Variants in SMIM31 observed in about 807,000 individuals in gnomAD.
SMIM31 encodes human epithelial cell program regulator.
intron 1 of SMIM31, among the ~76,000 whole-genome samples, chr4:164,765,362 G>C (rs891121398): frequency 6.6e-6 from 1 of 152,160 alleles, no homozygotes; most frequent in African/African-American, 2.4e-5. Flanking sequence ...ACAGTTTTCT[G>C]CCTGTATGAG....
At chr4:164,783,973 C>T (rs994100345) in intron 2 of SMIM31, among the ~76,000 whole-genome samples, 1 of 152,258 alleles carries the variant, frequency 6.6e-6, no homozygotes. Flanking sequence ...TCTCAAAGTA[C>T]TGCTTTAGTA....
intron 2 of SMIM31, among the ~76,000 whole-genome samples, chr4:164,788,488 T>C (rs1003776877): frequency 8.8e-6 from 1 of 114,268 alleles, no homozygotes; most frequent in Non-Finnish European, 1.9e-5. Flanking sequence ...CTTTTTTTTT[T>C]TTTTTTTTTT....
intron 2 of SMIM31, among the ~76,000 whole-genome samples, chr4:164,779,062 A>C (rs1282771094): frequency 1.3e-5 from 2 of 152,046 alleles, no homozygotes; most frequent in Non-Finnish European, 2.9e-5. Flanking sequence ...AACTACCTTA[A>C]AGTTGTGTTT....
In SMIM31 at chr4:164,803,593, G is replaced by C. The variant is rs551327592; in HGVS notation, c.*2399G>C. 2.0e-5 allele frequency: 3 copies of C among 152,134 alleles called. No individual in the cohort carries two copies. Among genetic ancestry groups the C allele is most frequent in the Admixed American group, 2.0e-4 (3 of 15,268 alleles). The allele number at this position is 152,134 out of a possible 1,614,324, so 9.4% of individuals were successfully genotyped here. Reference sequence around the variant, plus strand: ...GTGGATCACCTGAGGTCAAGAGTTAGAGACCAGCCTGGCCAAGATGGTGAA... The same window carrying C: ...GTGGATCACCTGAGGTCAAGAGTTACAGACCAGCCTGGCCAAGATGGTGAA... On this transcript the variant is annotated 3_prime_UTR_variant, in exon 3 of 3. Transcript: ENST00000507311.
intron 2 of SMIM31, among the ~76,000 whole-genome samples, chr4:164,789,326 G>T (rs1022142674): frequency 6.6e-6 from 1 of 152,162 alleles, no homozygotes; most frequent in Non-Finnish European, 1.5e-5. Flanking sequence ...CTCAGGCAAA[G>T]ACCTCAGTCT....
intron 2 of SMIM31, among the ~76,000 whole-genome samples, chr4:164,793,773 A>G (rs1380651741): frequency 1.3e-5 from 2 of 152,120 alleles, no homozygotes; most frequent in Non-Finnish European, 2.9e-5. Flanking sequence ...ACTAGGGGTT[A>G]GGGCTTCAGC....
chr4:164,793,959 A>G (rs1020264282), intron 2 of SMIM31, among the ~76,000 whole-genome samples: 2 of 152,224 alleles, frequency 1.3e-5, no homozygotes, highest in African/African-American at 4.8e-5. Context: ...CTTGGCTATG[A>G]CACCAAAAGC....
At chr4:164,774,671 C>A (rs925044047) in intron 2 of SMIM31, among the ~76,000 whole-genome samples, 6 of 152,170 alleles carry the variant, frequency 3.9e-5, no homozygotes, top group African/African-American at 1.4e-4. Context: ...ACATCTCATC[C>A]ATTATTTGTC....
intron 2 of SMIM31, 23 bp downstream of exon 2, chr4:164,770,578 A>C (rs1293274431): frequency 2.5e-6 from 1 of 398,818 alleles, no homozygotes; most frequent in Non-Finnish European, 4.4e-6. Flanking sequence ...AAAAAGAACA[A>C]AGCTCTTTGT....
At position 164,774,034 on chromosome 4, in the gene SMIM31, C is replaced by CG. The variant is rs566753639; in HGVS notation, c.112+3482dup. Among the ~76,000 whole-genome samples, 667 of 151,996 alleles carry CG rather than the reference C, an allele frequency of 4.4e-3. 2 individuals carry two copies. Among genetic ancestry groups the CG allele is most frequent in the Non-Finnish European group, 6.3e-3 (429 of 67,962 alleles). Reference sequence around the variant, plus strand: ...ACAAAAAATTAGCCAGGCGTGGTGGCGGGCCCCTGCAGTCCCAGCTACTCG... The same window carrying CG: ...ACAAAAAATTAGCCAGGCGTGGTGGCGGGGCCCCTGCAGTCCCAGCTACTCG... On this transcript the variant is annotated intron_variant, in intron 2 of 2. Transcript: ENST00000507311.
At chr4:164,792,721 C>A (rs6536856) in intron 2 of SMIM31, among the ~76,000 whole-genome samples, 110,552 of 151,974 alleles carry the variant, frequency 0.73, 40,712 homozygotes, top group Non-Finnish European at 0.8. Context: ...TACAGATTCA[C>A]CAAAGTTGCT....
At chr4:164,770,304 G>A (rs1437007000) in intron 1 of SMIM31, 115 bp from the exon 2 acceptor site, 1 of 394,068 alleles carries the variant, frequency 2.5e-6, no homozygotes, top group African/African-American at 2.1e-5. Context: ...GTACACAGAA[G>A]TATTTTAACA....
At chr4:164,793,543 A>G (rs1733133781) in intron 2 of SMIM31, among the ~76,000 whole-genome samples, 1 of 152,192 alleles carries the variant, frequency 6.6e-6, no homozygotes, top group Non-Finnish European at 1.5e-5. Flanking sequence ...GGTACTGGTC[A>G]AGTAGGTTTT....
At chr4:164,786,327 G>C (rs2110952115) in intron 2 of SMIM31, among the ~76,000 whole-genome samples, 1 of 152,038 alleles carries the variant, frequency 6.6e-6, no homozygotes, top group East Asian at 1.9e-4. Flanking sequence ...TGCCATTCAG[G>C]AGCTACCTGA....
At chr4:164,760,836 G>A (rs1009701926) in intron 1 of SMIM31, among the ~76,000 whole-genome samples, 3 of 151,468 alleles carry the variant, frequency 2.0e-5, no homozygotes, top group Non-Finnish European at 2.9e-5. Flanking sequence ...GGATGACTTT[G>A]AGGATTTTAT....
At chr4:164,797,671 C>T (rs1010443507) in intron 2 of SMIM31, among the ~76,000 whole-genome samples, 6 of 151,984 alleles carry the variant, frequency 3.9e-5, no homozygotes, top group Non-Finnish European at 8.8e-5. Flanking sequence ...ACCATTTTGG[C>T]CAGGCTAGTC....
chr4:164,766,350 G>A lies in SMIM31; in HGVS notation c.-25-4069G>A, dbSNP rs147468276. On this transcript the variant is annotated intron_variant, in intron 1 of 2. Transcript: ENST00000507311. ...AGTTTTGCATCAACTTGCCTTCTTC[G>A]GTGCTGCTTGCATCCACTCGTTTAT... 4.1e-3 allele frequency among the ~76,000 whole-genome samples: 629 copies of A among 152,070 alleles called. 4 individuals are homozygous for A. The highest frequency in any genetic ancestry group is 0.014 in the African/African-American group (585 of 41,460).
At chr4:164,777,813 T>G (rs1003058930) in intron 2 of SMIM31, among the ~76,000 whole-genome samples, 1 of 152,190 alleles carries the variant, frequency 6.6e-6, no homozygotes, top group Non-Finnish European at 1.5e-5. Flanking sequence ...GGCTGGCAGA[T>G]CCCCAGTCCA....
intron 1 of SMIM31, among the ~76,000 whole-genome samples, chr4:164,759,285 T>C (rs1732614190): frequency 6.6e-6 from 1 of 152,162 alleles, no homozygotes; most frequent in South Asian, 2.1e-4. Flanking sequence ...TAAACTTTTT[T>C]TTCCTTAAGT....
Sources: allele counts gnomAD v4.1 joint callset (sites outside exome capture counted in the v4.1 genomes callset), GRCh38; gene constraint gnomAD v4.1.1; transcripts MANE v1.5; gene names NCBI Gene and HGNC (gene_info 2026-07-23, HGNC 2026-07-21).